Variants in USP20 observed in about 807,000 individuals in gnomAD.
USP20 encodes ubiquitin carboxyl-terminal hydrolase 20.
Under a neutral mutation model 124.2 loss-of-function variants are expected in USP20, and 80 were observed. That is an observed-to-expected ratio of 0.64 (90% CI 0.54 to 0.78). The LOEUF is 0.78. Ranked by LOEUF, USP20 falls within the 30% of genes least tolerant of loss-of-function variation. USP20 has a pLI of 0.00. For missense variants in USP20, 1,043 were observed against 1,244.4 expected (o/e 0.84, Z 2.44); for synonymous variants, 481 against 512.3 (o/e 0.94, Z 0.83).
At chr9:129,856,435 TGG>T in intron 4 of USP20, 75 bp downstream of exon 4, 2 of 1,531,622 alleles carry the variant, frequency 1.3e-6, no homozygotes, top group Non-Finnish European at 1.8e-6. Flanking sequence ...GCTGGTGCAG[TGG>T]GCTAGACTCT....
At position 129,881,406 on chromosome 9, in the gene USP20, GC is replaced by G. The variant is rs2034631846; in HGVS notation, c.*957del. On this transcript the variant is annotated 3_prime_UTR_variant, in exon 26 of 26. Coordinates refer to ENST00000372429, the MANE Select transcript of USP20 (RefSeq NM_001110303.4). ...GATGCTGAGTGGAGGGAGCCACTGAGCACAGCAAGGCACCAAAGCCCCTGGA... is the reference window on the plus strand; with the variant it reads ...GATGCTGAGTGGAGGGAGCCACTGAGACAGCAAGGCACCAAAGCCCCTGGA... The G allele has an allele frequency of 1.3e-5, 2 of 152,242 alleles. No individual in the cohort carries two copies. The highest frequency in any genetic ancestry group is 2.9e-5 in the Non-Finnish European group (2 of 68,040). 9.4% of individuals were successfully genotyped at this position (152,242 alleles called of 1,614,324 possible).
chr9:129,876,387 C>G, intron 22 of USP20, 149 bp downstream of exon 22: 1 of 655,068 alleles, frequency 1.5e-6, no homozygotes, highest in Non-Finnish European at 2.7e-6. Flanking sequence ...ACCTGTAATC[C>G]CAGCACTTTG....
intron 1 of USP20, among the ~76,000 whole-genome samples, chr9:129,848,430 G>C (rs767737001): frequency 2.0e-5 from 3 of 152,016 alleles, no homozygotes; most frequent in Admixed American, 6.6e-5. Flanking sequence ...TTAGCCACAG[G>C]GCTGATTTTT....
Position 129,860,922 on chromosome 9 carries a change from G to A in USP20, c.331-15G>A. 6.2e-7 allele frequency: 1 copy of A among 1,613,184 alleles called. No individual in the cohort carries two copies. Among genetic ancestry groups the A allele is most frequent in the South Asian group, 1.1e-5 (1 of 91,056 alleles). ...CTCTGTTCACTGTTTTCCTCACTTT[G>A]GGTCTTTAACACAGGACTCCCCGCC... On this transcript the variant is annotated splice_polypyrimidine_tract_variant and intron_variant, in intron 6 of 25. Coordinates refer to ENST00000372429, the MANE Select transcript of USP20 (RefSeq NM_001110303.4).
In USP20 at chr9:129,868,436, C is replaced by A; in HGVS notation, c.1122C>A (p.Pro374=). ...CCCCGTCACCACGGTCCTCCAGCCCCTGCCGGACGCCAGGTATCAGCTGGC... is the reference window on the plus strand; with the variant it reads ...CCCCGTCACCACGGTCCTCCAGCCCATGCCGGACGCCAGGTATCAGCTGGC... ...AQPPSPRSSS[P]CRTPEPDNDA... is the part of the protein sequence containing the mutation. The change falls in exon 11 of 26, where the codon CCC becomes CCA. Residue 374 remains proline, a synonymous_variant. Coordinates refer to ENST00000372429, the MANE Select transcript of USP20 (RefSeq NM_001110303.4). 1 of 1,610,344 alleles carries A rather than the reference C, an allele frequency of 6.2e-7. No homozygotes were observed. The highest frequency in any genetic ancestry group is 8.5e-7 in the Non-Finnish European group (1 of 1,178,068).
At chr9:129,859,968 G>A (rs2033449178) in intron 6 of USP20, among the ~76,000 whole-genome samples, 1 of 152,046 alleles carries the variant, frequency 6.6e-6, no homozygotes, top group Non-Finnish European at 1.5e-5. Flanking sequence ...GGAGTTCAAG[G>A]TTGCAGTGAG....
At chr9:129,869,948 G>A (rs2034034982) in intron 14 of USP20, 104 bp downstream of exon 14, 2 of 1,381,720 alleles carry the variant, frequency 1.4e-6, no homozygotes, top group Non-Finnish European at 2.0e-6. Context: ...GGGAACCAGG[G>A]AGGTCCTGGG....
In USP20 at chr9:129,876,147, CCGTGAACCACCTGTA is replaced by C; in HGVS notation, c.2323_2337del (p.Asn775_Val779del). 6.2e-7 allele frequency: 1 copy of C among 1,613,248 alleles called. No homozygotes were observed. Among genetic ancestry groups the C allele is most frequent in the Non-Finnish European group, 8.5e-7 (1 of 1,179,912 alleles). ...GGGCACAGATTCGGGGGTGGCCCCGCCGTGAACCACCTGTACGTGTGCTCCATCTGCCAGGTGGAG... is the reference window on the plus strand; with the variant it reads ...GGGCACAGATTCGGGGGTGGCCCCGCCGTGTGCTCCATCTGCCAGGTGGAG... On this transcript the variant is annotated inframe_deletion, in exon 22 of 26. Coordinates refer to ENST00000372429, the MANE Select transcript of USP20 (RefSeq NM_001110303.4).
At position 129,863,019 on chromosome 9, in the gene USP20, T is replaced by G. The variant is rs533640865; in HGVS notation, c.498-167T>G. On this transcript the variant is annotated intron_variant, in intron 8 of 25. Transcript: ENST00000372429. The stretch of plus-strand genomic sequence containing the variant: ...CGCAGATGAATTTTGGAGGATACAA[T>G]TTTCTCATAACTGGTAGGAGCCTTC... Among the ~76,000 whole-genome samples, 3 of 152,318 alleles carry G rather than the reference T, an allele frequency of 2.0e-5. No homozygotes were observed. The South Asian group carries it at 6.2e-4, about 32-fold the overall frequency.
At chr9:129,869,624 G>A (rs2034016121) in intron 13 of USP20, 48 bp from the exon 14 acceptor site, 3 of 1,606,636 alleles carry the variant, frequency 1.9e-6, no homozygotes, top group South Asian at 2.2e-5. Flanking sequence ...GGTTTGGGGT[G>A]CAGACATTGC....
intron 1 of USP20, among the ~76,000 whole-genome samples, chr9:129,841,700 C>G (rs577805977): frequency 6.6e-6 from 1 of 152,276 alleles, no homozygotes; most frequent in South Asian, 2.1e-4. Flanking sequence ...CGCAGGCTGC[C>G]CCAGGACAGG....
intron 2 of USP20, among the ~76,000 whole-genome samples, chr9:129,851,985 C>G (rs72755284): frequency 0.15 from 22,780 of 152,112 alleles, 2,290 homozygotes; most frequent in African/African-American, 0.28. Flanking sequence ...GTCTGGTGTT[C>G]AAACCTCACT....
chr9:129,838,304 AG>A (rs372827287), intron 1 of USP20, among the ~76,000 whole-genome samples: 2,018 of 152,260 alleles, frequency 0.013, 35 homozygotes, highest in South Asian at 0.061. Context: ...AGCCTCCCAA[AG>A]TGCTGGGATT....
intron 17 of USP20, among the ~76,000 whole-genome samples, chr9:129,874,322 T>C (rs11792703): frequency 0.28 from 42,156 of 152,044 alleles, 7,035 homozygotes; most frequent in Non-Finnish European, 0.38. Context: ...TTGTGGCTTC[T>C]CAAAGGTAGT....
intron 1 of USP20, among the ~76,000 whole-genome samples, chr9:129,842,767 G>A (rs531749755): frequency 2.8e-4 from 42 of 151,980 alleles, no homozygotes; most frequent in South Asian, 1.2e-3. Context: ...CTAATTTTTT[G>A]TATTTTTAGT....
At chr9:129,869,486 C>T (rs2034008799) in intron 13 of USP20, 61 bp downstream of exon 13, 1 of 1,576,794 alleles carries the variant, frequency 6.3e-7, no homozygotes, top group Non-Finnish European at 8.7e-7. Flanking sequence ...GCAGCTCTTG[C>T]CCTGACTGGG....
rs1172759210 is a variant in USP20 at position 129,876,074 on chromosome 9, C to T, written c.2301-56C>T. The T allele has an allele frequency of 2.7e-6, 4 of 1,482,058 alleles. No individual in the cohort carries two copies. The East Asian group carries it at 9.6e-5, about 36-fold the overall frequency. The allele number at this position is 1,482,058 out of a possible 1,614,324, so 91.8% of individuals were successfully genotyped here. ...GGGGAAGTGGAAGGCAGTGATCACT[C>T]TCCCCTCCCTGGTACCCCGCTCAGG... is the stretch of plus-strand genomic sequence containing the variant. On this transcript the variant is annotated intron_variant, in intron 21 of 25. Transcript: ENST00000372429.
At chr9:129,837,384 C>A (rs2031923464) in intron 1 of USP20, among the ~76,000 whole-genome samples, 1 of 152,124 alleles carries the variant, frequency 6.6e-6, no homozygotes, top group African/African-American at 2.4e-5. Flanking sequence ...TTTCTGGAGC[C>A]AGATGAAATG....
chr9:129,872,608 T>C (rs1446082315), intron 15 of USP20, among the ~76,000 whole-genome samples: 1 of 152,208 alleles, frequency 6.6e-6, no homozygotes, highest in Non-Finnish European at 1.5e-5. Flanking sequence ...AGATCCAATG[T>C]CATGAAACTT....
Sources: allele counts gnomAD v4.1 joint callset (sites outside exome capture counted in the v4.1 genomes callset), GRCh38; gene constraint gnomAD v4.1.1; transcripts MANE v1.5; gene names NCBI Gene and HGNC (gene_info 2026-07-23, HGNC 2026-07-21).